The following SHC3 variants were observed in gnomAD, a reference collection of about 807,000 sequenced individuals.
SHC3 encodes the protein SHC adaptor protein 3.
In SHC3, 15 loss-of-function variants were observed where a neutral mutation model predicts 60.4. That is an observed-to-expected ratio of 0.25 (90% CI 0.17 to 0.38). The LOEUF (loss-of-function observed/expected upper bound fraction) is 0.38, where lower values mean the gene tolerates loss of function less well. Ranked by LOEUF, SHC3 falls within the 10% of genes least tolerant of loss-of-function variation. SHC3 has a pLI of 1.00. For missense variants in SHC3, 677 were observed against 786.1 expected, an observed-to-expected ratio of 0.86 and a Z score of 1.66; for synonymous variants, 294 against 325.9, an observed-to-expected ratio of 0.90 and a Z score of 1.05.
chr9:89,127,531 T>G (rs1826181833), intron 1 of SHC3, among the ~76,000 whole-genome samples: 1 of 152,160 alleles, frequency 6.6e-6, no homozygotes, highest in South Asian at 2.1e-4. Context: ...GAATTAAAAG[T>G]GGATAGATCC....
chr9:89,045,999 A>G (rs1419697788), intron 8 of SHC3, among the ~76,000 whole-genome samples, 166 bp from the exon 9 acceptor site: 1 of 152,060 alleles, frequency 6.6e-6, no homozygotes, highest in Non-Finnish European at 1.5e-5. Flanking sequence ...GATTTGGGAA[A>G]TAAGTTTGTG....
At chr9:89,118,961 G>A (rs373619098) in intron 1 of SHC3, among the ~76,000 whole-genome samples, 47 of 152,228 alleles carry the variant, frequency 3.1e-4, no homozygotes, top group South Asian at 2.3e-3. Context: ...TTATTGATGC[G>A]TAACTTTAAA....
chr9:89,152,908 T>C (rs1826563840), intron 1 of SHC3, among the ~76,000 whole-genome samples: 1 of 152,342 alleles, frequency 6.6e-6, no homozygotes, highest in African/African-American at 2.4e-5. Context: ...TTATTAGTAT[T>C]GTTTAATTTA....
chr9:89,132,347 T>C (rs1052536087), intron 1 of SHC3, among the ~76,000 whole-genome samples: 18 of 152,152 alleles, frequency 1.2e-4, no homozygotes, highest in African/African-American at 4.1e-4. Flanking sequence ...AGGTAATTTA[T>C]AGATTCAATG....
Position 89,013,486 on chromosome 9 carries a change from A to G in SHC3, c.1746T>C (p.Ser582=), listed in dbSNP as rs372538483. 7 of 1,612,834 alleles carry G rather than the reference A, an allele frequency of 4.3e-6. No individual in the cohort carries two copies. The highest frequency in any genetic ancestry group is 2.7e-5 in the African/African-American group (2 of 74,566). Residue 582 remains serine, a synonymous_variant, in exon 12 of 12, where the codon AGT becomes AGC. Transcript: ENST00000375835. ...ESSLPIVSAG[S]ELCLQQPVER... The stretch of plus-strand genomic sequence containing the variant: ...CCACTGGCTGCTGGAGACACAGCTC[A>G]CTCCCTGCAGAGACAATGGGCAGGC...
chr9:89,039,508 C>T (rs1194023355), intron 10 of SHC3, among the ~76,000 whole-genome samples: 14 of 152,168 alleles, frequency 9.2e-5, no homozygotes, highest in Admixed American at 8.5e-4. Flanking sequence ...ACTGTTTCTA[C>T]ATCATTACCA....
chr9:89,020,355 G>A (rs1225820541), intron 11 of SHC3, among the ~76,000 whole-genome samples: 1 of 152,030 alleles, frequency 6.6e-6, no homozygotes, highest in Non-Finnish European at 1.5e-5. Flanking sequence ...CCAGTTGTGG[G>A]GCAGGCTCCT....
chr9:89,102,827 C>G (rs931020011), intron 2 of SHC3, among the ~76,000 whole-genome samples: 2 of 152,194 alleles, frequency 1.3e-5, no homozygotes, highest in African/African-American at 2.4e-5. Flanking sequence ...TGAGGACTTA[C>G]TGTCTTTAGA....
At chr9:89,160,271 C>A (rs1166033314) in intron 1 of SHC3, among the ~76,000 whole-genome samples, 1 of 152,188 alleles carries the variant, frequency 6.6e-6, no homozygotes, top group Non-Finnish European at 1.5e-5. Context: ...GATTCTCCTG[C>A]TGTGAACACC....
chr9:89,022,050 T>C (rs1244603006), intron 11 of SHC3, among the ~76,000 whole-genome samples: 3 of 152,048 alleles, frequency 2.0e-5, no homozygotes, highest in Non-Finnish European at 2.9e-5. Flanking sequence ...AGGCACAATG[T>C]CAATGAGAGA....
chr9:89,013,807 G>A (rs1191842695), intron 11 of SHC3, among the ~76,000 whole-genome samples: 5 of 152,040 alleles, frequency 3.3e-5, no homozygotes, highest in Non-Finnish European at 7.4e-5. Context: ...ATAAGCCCAG[G>A]CCCCTAGGAC....
chr9:89,129,393 G>A (rs1041691853), intron 1 of SHC3, among the ~76,000 whole-genome samples: 1 of 152,116 alleles, frequency 6.6e-6, no homozygotes, highest in Admixed American at 6.5e-5. Flanking sequence ...TTCAAATTCA[G>A]GAAATACAGA....
At chr9:89,055,745 A>G (rs930784082) in intron 6 of SHC3, among the ~76,000 whole-genome samples, 8 of 152,186 alleles carry the variant, frequency 5.3e-5, no homozygotes, top group Non-Finnish European at 1.0e-4. Context: ...AGGATAGGAG[A>G]GCAGGATATT....
chr9:89,130,183 T>C (rs891441457), intron 1 of SHC3, among the ~76,000 whole-genome samples: 12 of 152,072 alleles, frequency 7.9e-5, no homozygotes, highest in Admixed American at 5.2e-4. Context: ...CATTACATAA[T>C]GGTAAAGGGA....
chr9:89,029,691 C>T (rs1824450053), intron 11 of SHC3, among the ~76,000 whole-genome samples: 1 of 151,992 alleles, frequency 6.6e-6, no homozygotes, highest in South Asian at 2.1e-4. Context: ...TCTGTGTGTC[C>T]TAAGAAATAG....
chr9:89,153,231 C>T (rs1218335192), intron 1 of SHC3, among the ~76,000 whole-genome samples: 5 of 152,146 alleles, frequency 3.3e-5, no homozygotes, highest in Non-Finnish European at 7.4e-5. Context: ...ATGTTCATTG[C>T]AGAAAATTTT....
At position 89,087,365 on chromosome 9, in the gene SHC3, CTG is replaced by C. The variant is rs1825547391; in HGVS notation, c.546-9464_546-9463del. ...TAGGAGAAACTAATGTGGAAATACT[CTG>C]TGAGACTAACCACAGCAAATCAGAA... On this transcript the variant is annotated intron_variant, in intron 2 of 11. Transcript: ENST00000375835. 5.9e-5 allele frequency among the ~76,000 whole-genome samples: 9 copies of C among 152,308 alleles called. No homozygotes were observed. The South Asian group carries it at 1.9e-3, about 32-fold the overall frequency.
At chr9:89,043,659 T>A (rs867740913) in intron 9 of SHC3, among the ~76,000 whole-genome samples, 9 of 151,838 alleles carry the variant, frequency 5.9e-5, no homozygotes, top group Non-Finnish European at 8.8e-5. Flanking sequence ...TTTATTTTTT[T>A]TTTTTTTTTT....
At chr9:89,174,307 A>G (rs1441603146) in intron 1 of SHC3, among the ~76,000 whole-genome samples, 1 of 152,216 alleles carries the variant, frequency 6.6e-6, no homozygotes, top group Non-Finnish European at 1.5e-5. Flanking sequence ...GAGTCCTTGT[A>G]AAAACAGAGC....
Sources: gnomAD v4.1 joint callset for allele counts (sites outside exome capture counted in the v4.1 genomes callset) on GRCh38, gnomAD v4.1.1 for gene constraint, MANE v1.5 for transcripts, NCBI Gene and HGNC (gene_info 2026-07-23, HGNC 2026-07-21) for gene names.